PSPC1: variants seen among roughly 807,000 people sequenced by gnomAD.
The protein encoded by PSPC1 is paraspeckle protein 1.
PSPC1 carries 14 observed loss-of-function variants against 51.6 expected under a neutral mutation model. The observed-to-expected ratio is 0.27, with a 90% confidence interval of 0.18 to 0.42. The LOEUF (loss-of-function observed/expected upper bound fraction) is 0.42, where lower values mean the gene tolerates loss of function less well. Ranked by LOEUF, PSPC1 falls within the 10% of genes least tolerant of loss-of-function variation. The pLI is 1.00. For synonymous variants in PSPC1, 193 were observed against 231.9 expected (o/e 0.83, Z 1.53); for missense variants, 406 against 701.1 (o/e 0.58, Z 4.75).
chr13:19,739,111 A>G (rs1206812177), intron 5 of PSPC1, among the ~76,000 whole-genome samples: 1 of 152,198 alleles, frequency 6.6e-6, no homozygotes, highest in Non-Finnish European at 1.5e-5. Flanking sequence ...ATGCCTAACT[A>G]GCTTACAGAA....
intron 6 of PSPC1, among the ~76,000 whole-genome samples, chr13:19,715,652 T>C (rs1881997438): frequency 6.6e-6 from 1 of 152,106 alleles, no homozygotes; most frequent in Non-Finnish European, 1.5e-5. Context: ...TCCCAGCACT[T>C]TGGGAGGCTG....
intron 5 of PSPC1, among the ~76,000 whole-genome samples, chr13:19,733,794 T>C (rs1884434144): frequency 1.5e-5 from 2 of 135,466 alleles, no homozygotes; most frequent in Admixed American, 1.5e-4. Flanking sequence ...AAAATATATA[T>C]ATATATATAT....
intron 2 of PSPC1, among the ~76,000 whole-genome samples, chr13:19,759,901 CAG>C (rs997991052): frequency 1.3e-5 from 2 of 150,628 alleles, no homozygotes; most frequent in African/African-American, 4.9e-5. Context: ...TTTACTGAGT[CAG>C]AGAGAGGTGA....
At position 19,676,694 on chromosome 13, in the gene PSPC1, C is replaced by T. The variant is rs201455585; in HGVS notation, c.*76+1030G>A. Among the ~76,000 whole-genome samples the T allele has an allele frequency of 3.0e-4, 46 of 152,308 alleles. No homozygotes were observed. In the East Asian group the frequency reaches 3.5e-3, roughly 12 times the overall value. ...ACACTGTCACTCCTAGTCCCCAGAACCACTTGTAGCAGCAAGAATAAGACA... is the reference window on the plus strand; with the variant it reads ...ACACTGTCACTCCTAGTCCCCAGAATCACTTGTAGCAGCAAGAATAAGACA... On this transcript the variant is annotated intron_variant and NMD_transcript_variant, in intron 7 of 7. Coordinates refer to the PSPC1 transcript ENST00000471658.
In PSPC1 at chr13:19,772,295, A is replaced by T; in HGVS notation, c.621T>A (p.Pro207=). The change falls in exon 2 of 9, where the codon CCT becomes CCA. Residue 207 remains proline (P), a synonymous_variant. Coordinates refer to ENST00000338910, the MANE Select transcript of PSPC1 (RefSeq NM_001354909.2). ...ATCTTTCCAGAGCCTTTCGTGCAGG[A>T]GGTTTTGCTGCAAACTCTACAAAAC... ...GKGFVEFAAK[P]PARKALERCG... 1.2e-6 allele frequency: 2 copies of T among 1,614,228 alleles called. No individual in the cohort carries two copies. Among genetic ancestry groups the T allele is most frequent in the Non-Finnish European group, 8.5e-7 (1 of 1,180,042 alleles).
intron 5 of PSPC1, among the ~76,000 whole-genome samples, chr13:19,731,678 T>G (rs1566003382): frequency 6.6e-6 from 1 of 152,158 alleles, no homozygotes; most frequent in Non-Finnish European, 1.5e-5. Context: ...TCTCCCAAAG[T>G]GCTGGGATTA....
At chr13:19,673,622 G>C (rs192370415), downstream of PSPC1, among the ~76,000 whole-genome samples, 38 of 152,302 alleles carry the variant, frequency 2.5e-4, no homozygotes, top group African/African-American at 8.9e-4. Context: ...GTGCAGGTCA[G>C]GAGCAGTAAA....
intron 6 of PSPC1, among the ~76,000 whole-genome samples, chr13:19,710,993 A>G (rs1565982128): frequency 6.6e-6 from 1 of 151,952 alleles, no homozygotes; most frequent in Admixed American, 6.6e-5. Flanking sequence ...ATGCACCATC[A>G]TGCCTGGTGA....
intron 6 of PSPC1, among the ~76,000 whole-genome samples, chr13:19,729,303 G>A (rs1450008918): frequency 6.6e-6 from 1 of 152,124 alleles, no homozygotes. Context: ...TTTGGAGGCT[G>A]AGGTGGGCAG....
rs577025310 is a variant in PSPC1, at chr13:19,736,488, C to T, written c.1052+5077G>A. On this transcript the variant is annotated intron_variant, in intron 5 of 8. Coordinates refer to ENST00000338910, the MANE Select transcript of PSPC1 (RefSeq NM_001354909.2). The stretch of plus-strand genomic sequence containing the variant: ...CACAAGGTCAGCAGATCGAGACCAT[C>T]CTGGCTAACACAGTGAAACCCCATC... Among the ~76,000 whole-genome samples the T allele has an allele frequency of 1.1e-4, 17 of 152,098 alleles. No individual in the cohort carries two copies. The South Asian group carries it at 1.2e-3, about 11-fold the overall frequency.
intron 8 of PSPC1, among the ~76,000 whole-genome samples, chr13:19,704,845 A>AT: frequency 1.3e-5 from 2 of 152,240 alleles, no homozygotes; most frequent in Non-Finnish European, 2.9e-5. Flanking sequence ...AATTTACTAA[A>AT]TATAATTTAA....
intron 7 of PSPC1, among the ~76,000 whole-genome samples, chr13:19,677,542 T>C (rs77064697): frequency 5.3e-5 from 8 of 152,338 alleles, no homozygotes; most frequent in African/African-American, 1.4e-4. Flanking sequence ...GGCCAAGCTA[T>C]AGAGGCTTCA....
At chr13:19,700,171 A>G (rs1394755917), downstream of PSPC1, among the ~76,000 whole-genome samples, 2 of 152,120 alleles carry the variant, frequency 1.3e-5, no homozygotes, top group Non-Finnish European at 1.5e-5. Flanking sequence ...ACTACTAATC[A>G]TTCACATTGC....
intron 2 of PSPC1, among the ~76,000 whole-genome samples, chr13:19,770,517 G>C (rs1888527288): frequency 1.3e-5 from 2 of 152,158 alleles, no homozygotes. Context: ...GCCAGGCATG[G>C]TGGCTCATGC....
rs567377100 is a variant in PSPC1, at chr13:19,719,891, G to A, written c.1159-10292C>T. On this transcript the variant is annotated intron_variant, in intron 6 of 8. Transcript: ENST00000338910. ...AGACGGGCCTCTCACTATGTTGCCCGAGCTGGCCTTGAATTCCTGAGCTCA... is the reference window on the plus strand; with the variant it reads ...AGACGGGCCTCTCACTATGTTGCCCAAGCTGGCCTTGAATTCCTGAGCTCA... Among the ~76,000 whole-genome samples, 24 of 152,130 alleles carry A rather than the reference G, an allele frequency of 1.6e-4. No homozygotes were observed. The South Asian group carries it at 4.4e-3, about 28-fold the overall frequency.
rs1346297169 is a variant in PSPC1 at position 19,730,950 on chromosome 13, A to G, written c.1053-606T>C. ...CAACAGTGAGACCCTGTCTCAGAAA[A>G]AAAAAACAAAAAAACAAAAAAAAAA... is the stretch of plus-strand genomic sequence containing the variant. On this transcript the variant is annotated intron_variant, in intron 5 of 8. Transcript: ENST00000338910. Among the ~76,000 whole-genome samples, 4 of 28,720 alleles carry G rather than the reference A, an allele frequency of 1.4e-4. No individual in the cohort carries two copies. In the East Asian group the frequency reaches 0.013, roughly 94 times the overall value. 18.8% of individuals were successfully genotyped at this position (28,720 alleles called of 152,430 possible). A position where few individuals can be genotyped will look rare whatever the true frequency, so the allele number is the denominator to read the frequency against.
At chr13:19,685,115 T>C (rs1593521890) in intron 6 of PSPC1, among the ~76,000 whole-genome samples, 2 of 152,222 alleles carry the variant, frequency 1.3e-5, no homozygotes, top group East Asian at 3.9e-4. Context: ...TAACATGTAG[T>C]TGTAAATCTA....
At chr13:19,708,124 A>G (rs1478211145) in intron 7 of PSPC1, among the ~76,000 whole-genome samples, 2 of 152,232 alleles carry the variant, frequency 1.3e-5, no homozygotes, top group South Asian at 4.1e-4. Context: ...AAAAGTGACC[A>G]AGTAAAACAG....
intron 7 of PSPC1, chr13:19,675,119 T>A (rs917610230): frequency 6.5e-6 from 1 of 152,886 alleles, no homozygotes; most frequent in African/African-American, 2.4e-5. Flanking sequence ...CAGCACACAC[T>A]CCTTCCTGTG....
Sources: gnomAD v4.1 joint callset for allele counts (sites outside exome capture counted in the v4.1 genomes callset) on GRCh38, gnomAD v4.1.1 for gene constraint, MANE v1.5 for transcripts, NCBI Gene and HGNC (gene_info 2026-07-23, HGNC 2026-07-21) for gene names.